The following TIAM1 variants were observed in gnomAD, a reference collection of about 807,000 sequenced individuals.
TIAM1 encodes the protein rho guanine nucleotide exchange factor TIAM1.
A neutral mutation model predicts 163.5 loss-of-function variants in TIAM1; 65 were observed. That is an observed-to-expected ratio of 0.40 (90% confidence interval 0.33 to 0.49). The LOEUF (loss-of-function observed/expected upper bound fraction) is 0.49. Among genes scored for constraint, TIAM1 ranks in the 20% least tolerant of loss-of-function variants. TIAM1 has a pLI of 0.77. For synonymous variants in TIAM1, 833 were observed against 810.1 expected, an observed-to-expected ratio of 1.03 and a Z score of -0.48; for missense variants, 1,789 against 2,044.7, an observed-to-expected ratio of 0.87 and a Z score of 2.41.
chr21:31,401,313 A>G (rs2077160585), intron 2 of TIAM1, among the ~76,000 whole-genome samples: 1 of 152,190 alleles, frequency 6.6e-6, no homozygotes, highest in African/African-American at 2.4e-5. Context: ...TCAGCTACAG[A>G]TAGACTCCAG....
At chr21:31,205,800 T>C (rs1343565174) in intron 11 of TIAM1, among the ~76,000 whole-genome samples, 2 of 151,868 alleles carry the variant, frequency 1.3e-5, no homozygotes, top group Non-Finnish European at 2.9e-5. Context: ...CCTGTCTGTA[T>C]CAAAAATACA....
intron 2 of TIAM1, among the ~76,000 whole-genome samples, chr21:31,280,884 G>A (rs2146875140): frequency 6.6e-6 from 1 of 151,998 alleles, no homozygotes; most frequent in African/African-American, 2.4e-5. Context: ...GGAGGTTGAG[G>A]TGGGAGGATG....
chr21:31,496,593 GCTA>G (rs1381251190), intron 1 of TIAM1, among the ~76,000 whole-genome samples: 1 of 151,224 alleles, frequency 6.6e-6, no homozygotes, highest in African/African-American at 2.4e-5. Flanking sequence ...GCTACAGTAA[GCTA>G]CTGTTATTAT....
intron 1 of TIAM1, among the ~76,000 whole-genome samples, chr21:31,526,437 ATTTAGCAAATT>A (rs1244171264): frequency 6.6e-6 from 1 of 152,222 alleles, no homozygotes; most frequent in African/African-American, 2.4e-5. Context: ...AGCTGAGTTC[ATTTAGCAAATT>A]AATGACCTTC....
At chr21:31,346,085 G>A (rs986400605), upstream of TIAM1, among the ~76,000 whole-genome samples, 1 of 152,018 alleles carries the variant, frequency 6.6e-6, no homozygotes, top group Non-Finnish European at 1.5e-5. Context: ...ACAGCTGGGG[G>A]TTGCTACTGA....
intron 22 of TIAM1, among the ~76,000 whole-genome samples, chr21:31,138,119 A>T (rs560701185): frequency 6.6e-6 from 1 of 151,820 alleles, no homozygotes; most frequent in African/African-American, 2.4e-5. Context: ...GGAGGCCTCC[A>T]CCTTACTAAG....
In TIAM1 at chr21:31,120,800, C is replaced by T. The variant is rs748174080; in HGVS notation, c.4344G>A (p.Arg1448=). The change falls in exon 28 of 28, where the codon CGG becomes CGA. Residue 1448 remains arginine (R), a synonymous_variant. Coordinates refer to ENST00000541036, the MANE Select transcript of TIAM1 (RefSeq NM_001353694.2). The surrounding 1 kb of genome is among the most constrained non-coding windows in gnomAD (Gnocchi z 4.2). Reference sequence around the variant, plus strand: ...TGGTAAACCTGTTTCGAGCCAGCCGCCGCCTCCTCCTCCCAAGAGACTTGC... The same window carrying T: ...TGGTAAACCTGTTTCGAGCCAGCCGTCGCCTCCTCCTCCCAAGAGACTTGC... ...APSKSLGRRR[R]RLARNRFTID... is the part of the protein sequence containing the mutation. 3.7e-6 allele frequency: 6 copies of T among 1,613,606 alleles called. No homozygotes were observed. The Admixed American group carries it at 1.0e-4, about 27-fold the overall frequency.
At chr21:31,431,460 C>T (rs1237541444) in intron 2 of TIAM1, among the ~76,000 whole-genome samples, 1 of 152,174 alleles carries the variant, frequency 6.6e-6, no homozygotes, top group Non-Finnish European at 1.5e-5. Context: ...AGTGGGAGAA[C>T]CACTGAGCTA....
At chr21:31,215,815 G>A (rs1454988742) in intron 9 of TIAM1, among the ~76,000 whole-genome samples, 1 of 152,086 alleles carries the variant, frequency 6.6e-6, no homozygotes, top group African/African-American at 2.4e-5. Flanking sequence ...CTTAGCATTT[G>A]CTCATCTGCT....
chr21:31,142,463 CAAAAAAA>C (rs34368848), intron 20 of TIAM1, among the ~76,000 whole-genome samples: 4 of 49,926 alleles, frequency 8.0e-5, no homozygotes, highest in Non-Finnish European at 9.9e-5. Flanking sequence ...ACTAAAAATA[CAAAAAAA>C]AAAAAAAAAA....
At chr21:31,498,253 G>T (rs1451036749) in intron 1 of TIAM1, among the ~76,000 whole-genome samples, 1 of 152,208 alleles carries the variant, frequency 6.6e-6, no homozygotes, top group Non-Finnish European at 1.5e-5. Flanking sequence ...CCAGCAGCAA[G>T]CAATTCTGAA....
At chr21:31,226,634 A>C (rs1481933388) in intron 6 of TIAM1, among the ~76,000 whole-genome samples, 2 of 152,192 alleles carry the variant, frequency 1.3e-5, no homozygotes, top group Non-Finnish European at 2.9e-5. Flanking sequence ...GTGTTCTGAA[A>C]GGCAAAAGTC....
chr21:31,413,752 T>A (rs2043286828), intron 2 of TIAM1, among the ~76,000 whole-genome samples: 1 of 152,124 alleles, frequency 6.6e-6, no homozygotes. Context: ...TGATACCAGC[T>A]CCAGATCAGA....
At chr21:31,327,306 T>C (rs920449214) in intron 2 of TIAM1, among the ~76,000 whole-genome samples, 1 of 152,116 alleles carries the variant, frequency 6.6e-6, no homozygotes, top group Non-Finnish European at 1.5e-5. Context: ...CTAAGTACCC[T>C]TATAGGATAA....
chr21:31,266,697 G>T lies in TIAM1; in HGVS notation c.276C>A (p.Asp92Glu), dbSNP rs2146817967. The T allele has an allele frequency of 1.9e-6, 3 of 1,614,186 alleles. No homozygotes were observed. The highest frequency in any genetic ancestry group is 1.1e-5 in the South Asian group (1 of 91,086). ...LEDFGSPIWV[D>E]RVDMGLRPVS... ...CAGGTCTCAAGCCCATGTCCACTCG[G>T]TCCACCCAGATGGGGCTCCCGAAGT... The change falls in exon 4 of 28, where the codon GAC becomes GAA. Residue 92 changes from aspartate (D) to glutamate (E), a missense_variant. This residue lies in a region of TIAM1 where 555 missense variants were observed against 564.9 expected (regional missense o/e 0.98). Coordinates refer to ENST00000541036, the MANE Select transcript of TIAM1 (RefSeq NM_001353694.2).
At chr21:31,161,079 T>TGTG (rs1568944098) in intron 16 of TIAM1, among the ~76,000 whole-genome samples, 8 of 106,802 alleles carry the variant, frequency 7.5e-5, no homozygotes, top group African/African-American at 2.7e-4. Flanking sequence ...GTGTGTGTGT[T>TGTG]TAACAGTTGA....
rs1331857452 is a variant in TIAM1 at position 31,119,990 on chromosome 21, G to A, written c.*378C>T. On this transcript the variant is annotated 3_prime_UTR_variant, in exon 28 of 28. Coordinates refer to ENST00000541036, the MANE Select transcript of TIAM1 (RefSeq NM_001353694.2). ...CCAGCTAGGAGACTGATTTCAGATA[G>A]AAGGATCGTGTGTGTGCTACTATCC... 1 of 164,998 alleles carries A rather than the reference G, an allele frequency of 6.1e-6. No homozygotes were observed. Among genetic ancestry groups the A allele is most frequent in the African/African-American group, 2.4e-5 (1 of 41,938 alleles). The allele number at this position is 164,998 out of a possible 1,614,324, so 10.2% of individuals were successfully genotyped here.
rs2076236335 is a variant in TIAM1, at chr21:31,351,672, G to A, written c.-368-12250C>T. 6.6e-5 allele frequency among the ~76,000 whole-genome samples: 10 copies of A among 152,130 alleles called. No homozygotes were observed. In the South Asian group the frequency reaches 2.1e-3, roughly 32 times the overall value. ...AGAGGCAGGCTCAGCAAGAATGCAG[G>A]GGAAAGATCCACATGTGCCCAAGGG... On this transcript the variant is annotated intron_variant, in intron 2 of 28. Transcript: ENST00000286827.
At chr21:31,274,159 G>A (rs2073187350) in intron 3 of TIAM1, among the ~76,000 whole-genome samples, 1 of 152,060 alleles carries the variant, frequency 6.6e-6, no homozygotes, top group African/African-American at 2.4e-5. Context: ...AGGCTGCAGT[G>A]AGCCAAGATC....
Sources: gnomAD v4.1 joint callset for allele counts (sites outside exome capture counted in the v4.1 genomes callset) on GRCh38, gnomAD v4.1.1 for gene constraint, gnomAD v4.1.1 regional missense constraint, Gnocchi (gnomAD v3.1) non-coding constraint, MANE v1.5 for transcripts, NCBI Gene and HGNC (gene_info 2026-07-23, HGNC 2026-07-21) for gene names.